The following SDHAF3 variants were observed in gnomAD, a reference collection of about 807,000 sequenced individuals.
SDHAF3 encodes succinate dehydrogenase complex assembly factor 3, also known as succinate dehydrogenase assembly factor 3, mitochondrial.
In SDHAF3, 18 loss-of-function variants were observed where a neutral mutation model predicts 11.5. The ratio of observed to expected loss-of-function variants is 1.56; its 90% CI spans 1.08 to 2.32. The LOEUF is 2.32. Among genes scored for constraint, SDHAF3 ranks in the 30% most tolerant of loss-of-function variants. The probability of loss-of-function intolerance (pLI) is 0.00; values close to 1 mark genes in which losing one functional copy is unlikely to be tolerated. For synonymous variants in SDHAF3, 72 were observed against 59.3 expected, an observed-to-expected ratio of 1.21 and a Z score of -0.99; for missense variants, 200 against 154.4, an observed-to-expected ratio of 1.30 and a Z score of -1.57.
At chr7:97,145,560 T>C (rs1789122217) in intron 1 of SDHAF3, among the ~76,000 whole-genome samples, 1 of 152,172 alleles carries the variant, frequency 6.6e-6, no homozygotes, top group Non-Finnish European at 1.5e-5. Context: ...ACTGAAGGCA[T>C]TTATTTACCA....
intron 1 of SDHAF3, among the ~76,000 whole-genome samples, chr7:97,122,598 C>T (rs1484156798): frequency 6.6e-6 from 1 of 151,618 alleles, no homozygotes; most frequent in Non-Finnish European, 1.5e-5. Context: ...GGATAACTCT[C>T]AGGTTTGGAG....
chr7:97,143,328 T>C (rs953394078), intron 1 of SDHAF3, among the ~76,000 whole-genome samples: 1 of 152,180 alleles, frequency 6.6e-6, no homozygotes, highest in Non-Finnish European at 1.5e-5. Flanking sequence ...CCATAAGTTA[T>C]TGATGTACTG....
At chr7:97,139,389 G>A (rs1200743841) in intron 1 of SDHAF3, among the ~76,000 whole-genome samples, 2 of 150,454 alleles carry the variant, frequency 1.3e-5, no homozygotes, top group Non-Finnish European at 3.0e-5. Context: ...AGTGTATGCC[G>A]ATTGGTTTGT....
At chr7:97,133,176 G>A (rs1425555551) in intron 1 of SDHAF3, among the ~76,000 whole-genome samples, 2 of 152,140 alleles carry the variant, frequency 1.3e-5, no homozygotes, top group Non-Finnish European at 2.9e-5. Flanking sequence ...GGGTGGTACT[G>A]TAATCAAATA....
chr7:97,178,629 C>T (rs887369059), intron 1 of SDHAF3, among the ~76,000 whole-genome samples: 4 of 152,114 alleles, frequency 2.6e-5, no homozygotes, highest in African/African-American at 9.7e-5. Context: ...TTTTGACCAT[C>T]TTTTCATGTA....
intron 1 of SDHAF3, among the ~76,000 whole-genome samples, chr7:97,169,704 T>C (rs1419219092): frequency 6.6e-6 from 1 of 152,080 alleles, no homozygotes; most frequent in Admixed American, 6.5e-5. Flanking sequence ...ATGCAGTTTT[T>C]CTGTAGAGTG....
intron 1 of SDHAF3, among the ~76,000 whole-genome samples, chr7:97,141,898 G>C (rs1789050615): frequency 1.3e-5 from 2 of 151,812 alleles, no homozygotes; most frequent in Admixed American, 6.6e-5. Flanking sequence ...AAAATTAATG[G>C]GACAGTAGTA....
chr7:97,149,375 T>C (rs1789183836), intron 1 of SDHAF3, among the ~76,000 whole-genome samples: 1 of 152,104 alleles, frequency 6.6e-6, no homozygotes, highest in African/African-American at 2.4e-5. Context: ...AGCTTACTGG[T>C]GCCAGAAGGG....
chr7:97,126,259 A>G (rs956480867), intron 1 of SDHAF3, among the ~76,000 whole-genome samples: 1 of 152,202 alleles, frequency 6.6e-6, no homozygotes, highest in African/African-American at 2.4e-5. Context: ...GGTCTCTTCC[A>G]GTCAGGAGGC....
intron 1 of SDHAF3, among the ~76,000 whole-genome samples, chr7:97,166,792 A>G (rs1201359923): frequency 2.0e-5 from 3 of 152,166 alleles, no homozygotes; most frequent in Non-Finnish European, 2.9e-5. Flanking sequence ...AATTATAGGT[A>G]GTTTGTAATG....
At chr7:97,160,203 G>A (rs6465570) in intron 1 of SDHAF3, among the ~76,000 whole-genome samples, 35,447 of 140,074 alleles carry the variant, frequency 0.25, 5,019 homozygotes, top group Non-Finnish European at 0.32. Flanking sequence ...GAAGTGAGGA[G>A]CGCCCCTGCC....
intron 1 of SDHAF3, among the ~76,000 whole-genome samples, chr7:97,131,124 T>C (rs1187003234): frequency 2.0e-5 from 3 of 152,208 alleles, no homozygotes; most frequent in Non-Finnish European, 4.4e-5. Flanking sequence ...TTTATGAAGG[T>C]CTAGTCAAGA....
At chr7:97,128,181 A>G (rs1275863132) in intron 1 of SDHAF3, among the ~76,000 whole-genome samples, 1 of 152,144 alleles carries the variant, frequency 6.6e-6, no homozygotes, top group East Asian at 1.9e-4. Flanking sequence ...AACTTTTAAA[A>G]CATTTTAACC....
At chr7:97,174,962 C>A (rs1207087442) in intron 1 of SDHAF3, among the ~76,000 whole-genome samples, 1 of 152,064 alleles carries the variant, frequency 6.6e-6, no homozygotes, top group African/African-American at 2.4e-5. Context: ...TCTTGTGTTT[C>A]CTGTAAATTG....
chr7:97,174,572 TC>T (rs1489695565), intron 1 of SDHAF3, among the ~76,000 whole-genome samples: 1 of 152,214 alleles, frequency 6.6e-6, no homozygotes, highest in Non-Finnish European at 1.5e-5. Context: ...CTGTAATAGT[TC>T]CTTCCTTCCT....
chr7:97,159,420 G>C (rs1429398615), intron 1 of SDHAF3, among the ~76,000 whole-genome samples: 5 of 152,138 alleles, frequency 3.3e-5, no homozygotes, highest in Admixed American at 3.3e-4. Flanking sequence ...TGGTTAGTCT[G>C]TTGTTTTCCC....
intron 1 of SDHAF3, among the ~76,000 whole-genome samples, chr7:97,142,042 CTTTTTTTTTTTTT>C (rs71131003): frequency 3.9e-4 from 24 of 61,692 alleles, no homozygotes; most frequent in East Asian, 1.3e-3. Context: ...GAATTGTTGT[CTTTTTTTTTTTTT>C]TTTTTTTTTT....
At chr7:97,119,185 A>G (rs143063228) in intron 1 of SDHAF3, among the ~76,000 whole-genome samples, 230 of 152,340 alleles carry the variant, frequency 1.5e-3, no homozygotes, top group African/African-American at 4.9e-3. Context: ...TTATGAAGCT[A>G]TAAGATACTG....
At chr7:97,163,109 C>G (rs1789439177) in intron 1 of SDHAF3, among the ~76,000 whole-genome samples, 1 of 150,404 alleles carries the variant, frequency 6.6e-6, no homozygotes, top group African/African-American at 2.4e-5. Flanking sequence ...CTGCATTGAT[C>G]CCTTTACCAT....
Sources: gnomAD v4.1 joint callset for allele counts (sites outside exome capture counted in the v4.1 genomes callset) on GRCh38, gnomAD v4.1.1 for gene constraint, MANE v1.5 for transcripts, NCBI Gene and HGNC (gene_info 2026-07-23, HGNC 2026-07-21) for gene names.